ATF2: variants seen among roughly 807,000 people sequenced by gnomAD.
The protein encoded by ATF2 is activating transcription factor 2.
ATF2 carries 24 observed loss-of-function variants against 60.6 expected under a neutral mutation model. That is an observed-to-expected ratio of 0.40 (90% CI 0.29 to 0.56). The LOEUF is 0.56. ATF2 is among the 20% of genes least tolerant of loss of function. ATF2 has a pLI of 0.54. For synonymous variants in ATF2, 206 were observed against 215.4 expected, an observed-to-expected ratio of 0.96 and a Z score of 0.38; for missense variants, 433 against 607.7, an observed-to-expected ratio of 0.71 and a Z score of 3.02.
At chr2:175,080,895 T>C (rs1438361184) in intron 12 of ATF2, 130 bp from the exon 13 acceptor site, 7 of 629,164 alleles carry the variant, frequency 1.1e-5, no homozygotes, top group South Asian at 8.6e-5. Flanking sequence ...AATATGCTGA[T>C]TAAATATGTC....
chr2:175,144,195 C>G (rs1297557565), intron 2 of ATF2, among the ~76,000 whole-genome samples: 1 of 152,130 alleles, frequency 6.6e-6, no homozygotes, highest in Non-Finnish European at 1.5e-5. Context: ...TCGGGCACCT[C>G]GTCGTTAGGT....
rs1693007725 is a variant in ATF2, at chr2:175,072,565, C to A, written c.*2044G>T. On this transcript the variant is annotated 3_prime_UTR_variant, in exon 14 of 14. Transcript: ENST00000264110. The stretch of plus-strand genomic sequence containing the variant: ...TTGCAAGAATTCTGTTACCAAAGAA[C>A]CTTAACTTGCATAAGTAATAAGATG... 1 of 151,998 alleles carries A rather than the reference C, an allele frequency of 6.6e-6. No homozygotes were observed. Among genetic ancestry groups the A allele is most frequent in the South Asian group, 2.1e-4 (1 of 4,818 alleles). The allele number at this position is 151,998 out of a possible 1,614,324, so 9.4% of individuals were successfully genotyped here.
chr2:175,142,720 A>AGAGTGT (rs1491359659), intron 2 of ATF2, among the ~76,000 whole-genome samples: 23 of 71,184 alleles, frequency 3.2e-4, no homozygotes, highest in South Asian at 5.4e-4. Flanking sequence ...AGAGAGAGAG[A>AGAGTGT]GTGTGTGTGT....
chr2:175,108,084 G>A (rs968310365), intron 10 of ATF2, among the ~76,000 whole-genome samples: 6 of 151,520 alleles, frequency 4.0e-5, no homozygotes, highest in African/African-American at 1.5e-4. Flanking sequence ...GAAGTGAGGA[G>A]CGCCTCTTCC....
At chr2:175,078,168 G>A (rs968067660) in intron 13 of ATF2, among the ~76,000 whole-genome samples, 8 of 152,122 alleles carry the variant, frequency 5.3e-5, no homozygotes, top group South Asian at 2.1e-4. Context: ...ATGGGGTCCC[G>A]CTATTTCACC....
At chr2:175,098,099 T>G (rs1695061020) in intron 10 of ATF2, among the ~76,000 whole-genome samples, 1 of 152,224 alleles carries the variant, frequency 6.6e-6, no homozygotes, top group African/African-American at 2.4e-5. Flanking sequence ...ATGCAACTAT[T>G]TTATCTCCCA....
chr2:175,153,080 G>A (rs1699418542), intron 1 of ATF2, among the ~76,000 whole-genome samples: 1 of 152,072 alleles, frequency 6.6e-6, no homozygotes, highest in African/African-American at 2.4e-5. Flanking sequence ...AAAACTGGAA[G>A]ACAAACTGGT....
At chr2:175,128,192 G>A (rs1198820042) in intron 4 of ATF2, among the ~76,000 whole-genome samples, 3 of 152,122 alleles carry the variant, frequency 2.0e-5, no homozygotes, top group Non-Finnish European at 4.4e-5. Context: ...ATCTAAACCC[G>A]TATTTTTTAA....
chr2:175,087,215 C>A (rs1196658263), intron 12 of ATF2, among the ~76,000 whole-genome samples: 1 of 152,018 alleles, frequency 6.6e-6, no homozygotes. Context: ...CTTCCTGGGT[C>A]ATTCTGAAGA....
chr2:175,156,921 A>G (rs1214465251), intron 1 of ATF2, among the ~76,000 whole-genome samples: 1 of 152,238 alleles, frequency 6.6e-6, no homozygotes, highest in East Asian at 1.9e-4. Context: ...GTAAGGTACC[A>G]GGAAGATGGA....
intron 5 of ATF2, among the ~76,000 whole-genome samples, chr2:175,118,584 A>C (rs1301730943): frequency 1.3e-5 from 2 of 151,746 alleles, no homozygotes; most frequent in Non-Finnish European, 3.0e-5. Flanking sequence ...TGAAAGTAGG[A>C]AAGAAGTCCT....
chr2:175,133,088 C>T (rs564194865), intron 3 of ATF2, among the ~76,000 whole-genome samples: 3 of 123,896 alleles, frequency 2.4e-5, no homozygotes, highest in South Asian at 5.2e-4. Flanking sequence ...GACTCTGTCT[C>T]AAAAAAAAAA....
chr2:175,101,395 C>T (rs1695301910), intron 10 of ATF2, among the ~76,000 whole-genome samples: 1 of 151,930 alleles, frequency 6.6e-6, no homozygotes, highest in African/African-American at 2.4e-5. Context: ...TGTTAGACAT[C>T]AAAATACAAT....
chr2:175,128,054 G>T (rs571688007), intron 4 of ATF2, among the ~76,000 whole-genome samples: 1 of 152,168 alleles, frequency 6.6e-6, no homozygotes, highest in Non-Finnish European at 1.5e-5. Flanking sequence ...AGTTGACAGA[G>T]TGATGAATGG....
At chr2:175,157,034 A>G (rs948576316) in intron 1 of ATF2, among the ~76,000 whole-genome samples, 4 of 152,222 alleles carry the variant, frequency 2.6e-5, no homozygotes, top group African/African-American at 9.6e-5. Flanking sequence ...GCATTTGTAT[A>G]AAAATTCACA....
At chr2:175,132,640 GA>G (rs1013091727) in intron 3 of ATF2, 5 of 152,102 alleles carry the variant, frequency 3.3e-5, no homozygotes, top group Non-Finnish European at 7.4e-5. Flanking sequence ...CCATTCTCTA[GA>G]AAAATCTGCA....
intron 12 of ATF2, among the ~76,000 whole-genome samples, chr2:175,090,136 C>T (rs934618332): frequency 1.1e-4 from 17 of 152,086 alleles, no homozygotes; most frequent in East Asian, 7.7e-4. Context: ...ATATTTCCAT[C>T]GCTCCAAAGT....
At chr2:175,117,520 G>A (rs1486681637) in intron 7 of ATF2, among the ~76,000 whole-genome samples, 3 of 151,896 alleles carry the variant, frequency 2.0e-5, no homozygotes, top group Non-Finnish European at 4.4e-5. Context: ...CTGTAGCCCA[G>A]GTGGTCCCAG....
At chr2:175,156,516 G>T (rs1030076540) in intron 1 of ATF2, among the ~76,000 whole-genome samples, 3 of 150,746 alleles carry the variant, frequency 2.0e-5, no homozygotes, top group Non-Finnish European at 4.4e-5. Context: ...GCCAGAAAAA[G>T]AAGTCAGACA....
Sources: allele counts gnomAD v4.1 joint callset (sites outside exome capture counted in the v4.1 genomes callset), GRCh38; gene constraint gnomAD v4.1.1; transcripts MANE v1.5; gene names NCBI Gene and HGNC (gene_info 2026-07-23, HGNC 2026-07-21).